VSTM2B: variants seen among roughly 807,000 people sequenced by gnomAD.
The protein encoded by VSTM2B is V-set and transmembrane domain containing 2B, also known as V-set and transmembrane domain-containing protein 2B.
In VSTM2B, 24 loss-of-function variants were observed where a neutral mutation model predicts 24.0. That is an observed-to-expected ratio of 1.00 (90% confidence interval 0.72 to 1.40). VSTM2B has a LOEUF of 1.40. Ranked by LOEUF, VSTM2B falls within the 40% of genes most tolerant of loss-of-function variation. The probability of loss-of-function intolerance (pLI) is 0.00; values close to 1 mark genes in which losing one functional copy is unlikely to be tolerated. For missense variants in VSTM2B, 399 were observed against 416.4 expected (o/e 0.96, Z 0.36); for synonymous variants, 226 against 194.4 (o/e 1.16, Z -1.35).
intron 4 of VSTM2B, among the ~76,000 whole-genome samples, chr19:29,563,614 C>G (rs1443956526): frequency 6.6e-6 from 1 of 152,192 alleles, no homozygotes; most frequent in East Asian, 1.9e-4. Context: ...TCAGGCCAGG[C>G]GCTTGTGTCT....
intron 4 of VSTM2B, among the ~76,000 whole-genome samples, chr19:29,533,832 C>T (rs1052942614): frequency 6.6e-6 from 1 of 152,226 alleles, no homozygotes; most frequent in African/African-American, 2.4e-5. Flanking sequence ...TACTGCTGAG[C>T]GCCCTGAGAG....
At chr19:29,544,668 T>C (rs1599891338) in intron 4 of VSTM2B, among the ~76,000 whole-genome samples, 2 of 151,928 alleles carry the variant, frequency 1.3e-5, no homozygotes, top group African/African-American at 4.8e-5. Flanking sequence ...AAGACATGTG[T>C]ACTGGCAGTG....
chr19:29,547,629 G>C (rs1014024302), intron 4 of VSTM2B, among the ~76,000 whole-genome samples: 1 of 152,158 alleles, frequency 6.6e-6, no homozygotes, highest in Non-Finnish European at 1.5e-5. Flanking sequence ...CTTCCTCCAC[G>C]ACCAGAGAGG....
At chr19:29,553,363 G>A (rs930540719) in intron 4 of VSTM2B, among the ~76,000 whole-genome samples, 6 of 152,182 alleles carry the variant, frequency 3.9e-5, no homozygotes, top group South Asian at 2.1e-4. Context: ...CTACAGAAGC[G>A]GGGCCTGACT....
intron 4 of VSTM2B, among the ~76,000 whole-genome samples, chr19:29,543,797 G>A (rs1970080188): frequency 6.6e-6 from 1 of 152,208 alleles, no homozygotes; most frequent in Non-Finnish European, 1.5e-5. Flanking sequence ...ACTTCAAGGA[G>A]GGGCAGGCTC....
chr19:29,539,496 C>T (rs1056441966), intron 4 of VSTM2B, among the ~76,000 whole-genome samples: 1 of 152,032 alleles, frequency 6.6e-6, no homozygotes, highest in Non-Finnish European at 1.5e-5. Flanking sequence ...AGGAGGTGCC[C>T]GAAGTCCCCA....
intron 4 of VSTM2B, among the ~76,000 whole-genome samples, chr19:29,534,084 C>T (rs759956497): frequency 1.8e-4 from 28 of 152,198 alleles, no homozygotes; most frequent in Non-Finnish European, 2.6e-4. Flanking sequence ...ATGGAAAGAG[C>T]GTATGTACCA....
In VSTM2B at chr19:29,563,766, T is replaced by C. The variant is rs894237588; in HGVS notation, c.770-80T>C. 7.6e-6 allele frequency: 10 copies of C among 1,321,102 alleles called. No homozygotes were observed. The Admixed American group carries it at 1.8e-4, about 24-fold the overall frequency. The allele number at this position is 1,321,102 out of a possible 1,614,324, so 81.8% of individuals were successfully genotyped here. On this transcript the variant is annotated intron_variant, in intron 4 of 4. Coordinates refer to ENST00000335523, the MANE Select transcript of VSTM2B (RefSeq NM_001146339.2). ...TGAGTGGCCCCAGCCTGGGGAAGCC[T>C]CACTGTTCCTGGTCTGCTGTGAGCT...
chr19:29,539,750 G>C (rs1276644169), intron 4 of VSTM2B, among the ~76,000 whole-genome samples: 1 of 152,264 alleles, frequency 6.6e-6, no homozygotes, highest in African/African-American at 2.4e-5. Flanking sequence ...ACCGAGGCTA[G>C]TGAGAAGAAT....
intron 4 of VSTM2B, among the ~76,000 whole-genome samples, chr19:29,533,094 T>C (rs1432860192): frequency 1.3e-5 from 2 of 152,114 alleles, no homozygotes; most frequent in Non-Finnish European, 2.9e-5. Context: ...CTCCAGGACA[T>C]CTCATCCAGG....
At chr19:29,527,123 C>G in intron 1 of VSTM2B, 88 bp from the exon 2 acceptor site, 4 of 1,222,688 alleles carry the variant, frequency 3.3e-6, no homozygotes, top group Non-Finnish European at 4.5e-6. Context: ...ACAAGGCCAG[C>G]CAGCCAGAGA....
intron 4 of VSTM2B, among the ~76,000 whole-genome samples, chr19:29,553,108 G>A (rs1970324389): frequency 6.6e-6 from 1 of 151,628 alleles, no homozygotes; most frequent in Admixed American, 6.5e-5. Flanking sequence ...CTCTGCCAAG[G>A]GGTAGCAAAA....
At position 29,540,524 on chromosome 19, in the gene VSTM2B, C is replaced by T. The variant is rs374308922; in HGVS notation, c.769+10234C>T. Among the ~76,000 whole-genome samples the T allele has an allele frequency of 2.7e-3, 408 of 152,344 alleles. 2 individuals carry two copies. Among genetic ancestry groups the T allele is most frequent in the South Asian group, 0.016 (77 of 4,828 alleles). ...GCCTCAGGGCTCCCAGCAGTTCTTT[C>T]CCTGTCCTGCAGTCAACACCTGGCT... On this transcript the variant is annotated intron_variant, in intron 4 of 4. Transcript: ENST00000335523.
intron 4 of VSTM2B, among the ~76,000 whole-genome samples, chr19:29,535,700 G>A (rs958507197): frequency 7.2e-5 from 11 of 152,164 alleles, no homozygotes; most frequent in African/African-American, 2.4e-4. Context: ...ACTACATCTC[G>A]ACCCATGCCC....
chr19:29,526,476 C>A lies in VSTM2B; in HGVS notation c.-108C>A. The A allele has an allele frequency of 1.5e-6, 1 of 667,218 alleles. No individual in the cohort carries two copies. Among genetic ancestry groups the A allele is most frequent in the Non-Finnish European group, 2.1e-6 (1 of 483,148 alleles). 41.3% of individuals were successfully genotyped at this position (667,218 alleles called of 1,614,324 possible). On this transcript the variant is annotated 5_prime_UTR_variant, in exon 1 of 5. Coordinates refer to ENST00000335523, the MANE Select transcript of VSTM2B (RefSeq NM_001146339.2). This position sits in a 1 kb window ranked among gnomAD's most constrained non-coding sequence, Gnocchi z 4.1. ...CAGGGGAGGGGGCGCCGCGCGGGGCCATGGCAGGCTCGGAGGCGTCCTAGC... is the reference window on the plus strand; with the variant it reads ...CAGGGGAGGGGGCGCCGCGCGGGGCAATGGCAGGCTCGGAGGCGTCCTAGC...
chr19:29,530,690 C>T (rs1414537223), intron 4 of VSTM2B, among the ~76,000 whole-genome samples: 2 of 152,150 alleles, frequency 1.3e-5, no homozygotes, highest in Non-Finnish European at 2.9e-5. Flanking sequence ...CAGATGGGGG[C>T]ACTGGCACCT....
chr19:29,535,645 C>T (rs1267502504), intron 4 of VSTM2B, among the ~76,000 whole-genome samples: 3 of 152,208 alleles, frequency 2.0e-5, no homozygotes, highest in African/African-American at 7.2e-5. Context: ...CCATGGCAAC[C>T]GTAAACCGTG....
chr19:29,530,457 C>A (rs1361513539), intron 4 of VSTM2B, among the ~76,000 whole-genome samples, 167 bp downstream of exon 4: 1 of 152,214 alleles, frequency 6.6e-6, no homozygotes, highest in Admixed American at 6.5e-5. Flanking sequence ...GCCTTCTTCC[C>A]GCGGTTTCTC....
chr19:29,559,439 G>T (rs10408546), intron 4 of VSTM2B, among the ~76,000 whole-genome samples: 1 of 152,106 alleles, frequency 6.6e-6, no homozygotes, highest in East Asian at 1.9e-4. Context: ...GGAGGGGAAC[G>T]TCACACACTG....
Sources: allele counts gnomAD v4.1 joint callset (sites outside exome capture counted in the v4.1 genomes callset), GRCh38; gene constraint gnomAD v4.1.1; non-coding constraint Gnocchi (gnomAD v3.1); transcripts MANE v1.5; gene names NCBI Gene and HGNC (gene_info 2026-07-23, HGNC 2026-07-21).